CADPS: variants seen among roughly 807,000 people sequenced by gnomAD.
The protein encoded by CADPS is calcium-dependent secretion activator 1.
A neutral mutation model predicts 167.3 loss-of-function variants in CADPS; 57 were observed. That is an observed-to-expected ratio of 0.34 (90% CI 0.28 to 0.42). CADPS has a LOEUF of 0.42. CADPS is among the 20% of genes least tolerant of loss of function. The probability of loss-of-function intolerance (pLI) is 1.00; values close to 1 mark genes in which losing one functional copy is unlikely to be tolerated. For synonymous variants in CADPS, 676 were observed against 635.3 expected, an observed-to-expected ratio of 1.06 and a Z score of -0.96; for missense variants, 1,414 against 1,738.1, an observed-to-expected ratio of 0.81 and a Z score of 3.32.
chr3:62,777,176 T>C (rs2090506959), intron 1 of CADPS, among the ~76,000 whole-genome samples: 1 of 152,212 alleles, frequency 6.6e-6, no homozygotes, highest in Non-Finnish European at 1.5e-5. Flanking sequence ...TAAGGTTTAA[T>C]AGTGAACTCA....
chr3:62,437,687 C>A (rs1267257813), intron 28 of CADPS, among the ~76,000 whole-genome samples: 1 of 152,176 alleles, frequency 6.6e-6, no homozygotes, highest in Non-Finnish European at 1.5e-5. Context: ...CTGCACACCA[C>A]AGCTGGTGTC....
rs1471525970 is a variant in CADPS at position 62,688,692 on chromosome 3, A to C, written c.889-26298T>G. Among the ~76,000 whole-genome samples the C allele has an allele frequency of 4.6e-5, 7 of 152,050 alleles. 1 individual carries two copies. Among genetic ancestry groups the C allele is most frequent in the Admixed American group, 3.9e-4 (6 of 15,254 alleles). ...TAGTCTGTCATCATCTCTTGTTGCCAAAGTTATAAGGAAATGTTCAAGTTT... is the reference window on the plus strand; with the variant it reads ...TAGTCTGTCATCATCTCTTGTTGCCCAAGTTATAAGGAAATGTTCAAGTTT... On this transcript the variant is annotated intron_variant, in intron 3 of 29. Transcript: ENST00000383710.
intron 1 of CADPS, among the ~76,000 whole-genome samples, chr3:62,825,317 G>C (rs978949695): frequency 6.6e-6 from 1 of 152,100 alleles, no homozygotes; most frequent in Non-Finnish European, 1.5e-5. Context: ...GGTTCCCAAA[G>C]TGTAATCATA....
chr3:62,613,934 TC>T (rs1219877245), intron 6 of CADPS, among the ~76,000 whole-genome samples: 1 of 152,078 alleles, frequency 6.6e-6, no homozygotes, highest in Admixed American at 6.5e-5. Context: ...TATGCTTCTT[TC>T]CCTACTCCCC....
intron 8 of CADPS, among the ~76,000 whole-genome samples, chr3:62,581,548 G>T (rs955324736): frequency 6.6e-6 from 1 of 151,882 alleles, no homozygotes; most frequent in Admixed American, 6.6e-5. Context: ...GGGCGTGGTG[G>T]TACATGGCTG....
intron 27 of CADPS, among the ~76,000 whole-genome samples, chr3:62,443,780 A>T (rs1013494412): frequency 7.9e-5 from 12 of 152,122 alleles, no homozygotes; most frequent in African/African-American, 2.7e-4. Context: ...TTCCTTTATA[A>T]ATTATCCAGT....
At position 62,585,289 on chromosome 3, in the gene CADPS, CTGTT is replaced by C; in HGVS notation, c.1469_1472del (p.Lys490SerfsTer7). ...AGACTGTCATTTTGTGCCACTCTGA[CTGTT>C]TGGGGCTGTTCGGGGTGGGATGGAG... On this transcript the variant is annotated frameshift_variant, in exon 8 of 30. Transcript: ENST00000383710. LOFTEE classifies it high-confidence loss of function. The C allele has an allele frequency of 1.2e-6, 2 of 1,612,978 alleles. No homozygotes were observed. Among genetic ancestry groups the C allele is most frequent in the Non-Finnish European group, 1.7e-6 (2 of 1,179,260 alleles).
At chr3:62,678,803 G>C (rs1324887321) in intron 3 of CADPS, among the ~76,000 whole-genome samples, 4 of 151,438 alleles carry the variant, frequency 2.6e-5, no homozygotes, top group Non-Finnish European at 5.9e-5. Context: ...TTCAGGAATT[G>C]GAGACATAAA....
Position 62,455,992 on chromosome 3 carries a change from T to C in CADPS, c.3636+9375A>G, listed in dbSNP as rs142683544. 3.1e-3 allele frequency among the ~76,000 whole-genome samples: 473 copies of C among 152,254 alleles called. 3 individuals are homozygous for C. Among genetic ancestry groups the C allele is most frequent in the Middle Eastern group, 0.01 (3 of 294 alleles). On this transcript the variant is annotated intron_variant, in intron 26 of 29. Transcript: ENST00000383710. This position sits in a 1 kb window ranked among gnomAD's most constrained non-coding sequence, Gnocchi z 4.4. ...CTGGGTTTGTAACACAGTGGTTTGGTTTCTCTCTCTCTCTCTTTTTTGTTT... is the reference window on the plus strand; with the variant it reads ...CTGGGTTTGTAACACAGTGGTTTGGCTTCTCTCTCTCTCTCTTTTTTGTTT...
At chr3:62,721,743 G>T (rs1279435615) in intron 3 of CADPS, among the ~76,000 whole-genome samples, 1 of 151,974 alleles carries the variant, frequency 6.6e-6, no homozygotes, top group Non-Finnish European at 1.5e-5. Flanking sequence ...TATGCTAAAG[G>T]CTTTATGCAC....
intron 6 of CADPS, 65 bp downstream of exon 6, chr3:62,645,657 T>C (rs564376324): frequency 6.3e-7 from 1 of 1,576,570 alleles, no homozygotes; most frequent in Non-Finnish European, 8.6e-7. Flanking sequence ...TACCTTGGAG[T>C]TGGCCAAAAT....
At chr3:62,651,166 A>G in intron 4 of CADPS, 86 bp from the exon 5 acceptor site, 1 of 879,816 alleles carries the variant, frequency 1.1e-6, no homozygotes, top group Non-Finnish European at 1.8e-6. Context: ...GCCCAGAGTT[A>G]GAATCACATC....
chr3:62,595,477 T>G (rs2058777394), intron 6 of CADPS, among the ~76,000 whole-genome samples: 1 of 152,162 alleles, frequency 6.6e-6, no homozygotes, highest in Non-Finnish European at 1.5e-5. Context: ...CCCTGTCAAT[T>G]TCCTCAGCTA....
intron 3 of CADPS, among the ~76,000 whole-genome samples, chr3:62,663,378 C>A (rs1297819306): frequency 6.6e-6 from 1 of 151,988 alleles, no homozygotes. Context: ...CTATTATTTC[C>A]AAGCAACCCC....
intron 11 of CADPS, among the ~76,000 whole-genome samples, chr3:62,543,625 A>G (rs1380987469): frequency 6.6e-6 from 1 of 152,124 alleles, no homozygotes; most frequent in African/African-American, 2.4e-5. Context: ...AAATAAAAGA[A>G]AAAAGAAAGA....
At chr3:62,599,655 A>AT (rs1562703936) in intron 6 of CADPS, among the ~76,000 whole-genome samples, 4 of 39,002 alleles carry the variant, frequency 1.0e-4, no homozygotes, top group Non-Finnish European at 1.3e-4. Flanking sequence ...ATAATATATA[A>AT]TATAATATAT....
Position 62,534,826 on chromosome 3 carries a change from G to A in CADPS, c.2103+1619C>T, listed in dbSNP as rs563695426. ...TTGGAATAATGACTAATATACACAGGTATACAAATGGGGAAGGAAGCTATT... is the reference window on the plus strand; with the variant it reads ...TTGGAATAATGACTAATATACACAGATATACAAATGGGGAAGGAAGCTATT... On this transcript the variant is annotated intron_variant, in intron 12 of 29. Transcript: ENST00000383710. 3.3e-5 allele frequency among the ~76,000 whole-genome samples: 5 copies of A among 152,112 alleles called. No individual in the cohort carries two copies. The East Asian group carries it at 9.7e-4, about 29-fold the overall frequency.
chr3:62,629,757 G>GTTTTTTTTTTTT (rs55956118), intron 6 of CADPS, among the ~76,000 whole-genome samples: 27 of 145,716 alleles, frequency 1.9e-4, no homozygotes, highest in South Asian at 4.4e-4. Context: ...CTCTGGTACA[G>GTTTTTTTTTTTT]TTTTTTTTTT....
chr3:62,417,713 T>C (rs190905277), intron 28 of CADPS, among the ~76,000 whole-genome samples: 3 of 152,136 alleles, frequency 2.0e-5, no homozygotes, highest in African/African-American at 7.2e-5. Flanking sequence ...ACAGCTGTAA[T>C]CCCAGCACTT....
Sources: gnomAD v4.1 joint callset for allele counts (sites outside exome capture counted in the v4.1 genomes callset) on GRCh38, gnomAD v4.1.1 for gene constraint, Gnocchi (gnomAD v3.1) non-coding constraint, MANE v1.5 for transcripts, NCBI Gene and HGNC (gene_info 2026-07-23, HGNC 2026-07-21) for gene names.